BICD1: variants seen among roughly 807,000 people sequenced by gnomAD.
BICD1 encodes the protein BICD cargo adaptor 1, also known as protein bicaudal D homolog 1.
A neutral mutation model predicts 92.5 loss-of-function variants in BICD1; 35 were observed. The observed-to-expected ratio is 0.38, with a 90% CI of 0.29 to 0.50. BICD1 has a LOEUF of 0.50. BICD1 is among the 20% of genes least tolerant of loss of function. BICD1 has a pLI of 0.93. For synonymous variants in BICD1, 429 were observed against 465.1 expected, an observed-to-expected ratio of 0.92 and a Z score of 1.00; for missense variants, 950 against 1,189.8, an observed-to-expected ratio of 0.80 and a Z score of 2.97.
chr12:32,327,264 T>C (rs139756251), intron 4 of BICD1, among the ~76,000 whole-genome samples, 197 bp from the exon 5 acceptor site: 382 of 152,350 alleles, frequency 2.5e-3, no homozygotes, highest in Non-Finnish European at 2.8e-3. Context: ...TGCAGTATAA[T>C]TCTTTTAGAA....
intron 8 of BICD1, among the ~76,000 whole-genome samples, chr12:32,355,744 G>A (rs993475882): frequency 1.3e-5 from 2 of 152,018 alleles, no homozygotes; most frequent in Admixed American, 1.3e-4. Flanking sequence ...GAAGATTGCA[G>A]TGAGCCGAGA....
chr12:32,207,638 T>G (rs1945098202), intron 1 of BICD1, among the ~76,000 whole-genome samples: 1 of 152,206 alleles, frequency 6.6e-6, no homozygotes, highest in Non-Finnish European at 1.5e-5. Context: ...GTTTCTCAAA[T>G]GGACGGACTT....
At chr12:32,195,134 G>A (rs1213831728) in intron 1 of BICD1, among the ~76,000 whole-genome samples, 3 of 149,906 alleles carry the variant, frequency 2.0e-5, no homozygotes, top group Non-Finnish European at 3.0e-5. Flanking sequence ...AAATGGAAAG[G>A]TATCCTCTGT....
chr12:32,320,991 T>G (rs1840932694), intron 4 of BICD1, among the ~76,000 whole-genome samples: 1 of 152,214 alleles, frequency 6.6e-6, no homozygotes, highest in Non-Finnish European at 1.5e-5. Flanking sequence ...AATTTTAAGC[T>G]TTAAAGTGCT....
intron 2 of BICD1, among the ~76,000 whole-genome samples, chr12:32,261,264 C>T (rs569801814): frequency 6.6e-6 from 1 of 152,304 alleles, no homozygotes; most frequent in African/African-American, 2.4e-5. Context: ...GATGCACAGA[C>T]GATGAATAGT....
Position 32,337,790 on chromosome 12 carries a change from G to A in BICD1, c.2544G>A (p.Arg848=). The stretch of plus-strand genomic sequence containing the variant: ...AGGGCCCACAGACACCCAACATTCG[G>A]GTCAGCAGTGGCACTCAGAGGAAAA... ...HSQGPQTPNI[R]VSSGTQRKRQ... The change falls in exon 7 of 10, where the codon CGG becomes CGA. Residue 848 remains arginine, a synonymous_variant. Coordinates refer to ENST00000652176, the MANE Select transcript of BICD1 (RefSeq NM_001714.4). This position sits in a 1 kb window ranked among gnomAD's most constrained non-coding sequence, Gnocchi z 4.7. The A allele has an allele frequency of 6.2e-7, 1 of 1,614,118 alleles. No homozygotes were observed. The highest frequency in any genetic ancestry group is 8.5e-7 in the Non-Finnish European group (1 of 1,180,032).
intron 1 of BICD1, among the ~76,000 whole-genome samples, chr12:32,112,873 G>A (rs144130350): frequency 1.6e-3 from 245 of 152,212 alleles, no homozygotes; most frequent in Non-Finnish European, 2.9e-3. Context: ...ATTGACTTAG[G>A]TACAAGGCTC....
At chr12:32,146,493 GAAC>G (rs1943106777) in intron 1 of BICD1, among the ~76,000 whole-genome samples, 1 of 152,230 alleles carries the variant, frequency 6.6e-6, no homozygotes, top group South Asian at 2.1e-4. Flanking sequence ...GCAAGAAAAT[GAAC>G]AACAAGGGAC....
chr12:32,269,589 A>C (rs1006033077), intron 2 of BICD1, among the ~76,000 whole-genome samples: 1 of 152,216 alleles, frequency 6.6e-6, no homozygotes, highest in African/African-American at 2.4e-5. Flanking sequence ...AGATAGGTAA[A>C]TATTTAAGGA....
At chr12:32,346,564 A>ATATATATACGTGTG (rs1938596012) in intron 8 of BICD1, among the ~76,000 whole-genome samples, 1 of 42,886 alleles carries the variant, frequency 2.3e-5, no homozygotes, top group Non-Finnish European at 3.5e-5. Context: ...ATATATATAT[A>ATATATATACGTGTG]TATATATATA....
chr12:32,255,700 T>G lies in BICD1; in HGVS notation c.427-38294T>G, dbSNP rs563215062. 5.9e-5 allele frequency among the ~76,000 whole-genome samples: 9 copies of G among 152,288 alleles called. No individual in the cohort carries two copies. The East Asian group carries it at 1.7e-3, about 30-fold the overall frequency. ...TCCCTTAGGGCCTTTGCTCTGGCTG[T>G]TCATTCTCCTTGTGGTGCTTTGCCC... On this transcript the variant is annotated intron_variant, in intron 2 of 9. Transcript: ENST00000652176.
At chr12:32,241,916 G>A (rs974067694) in intron 2 of BICD1, among the ~76,000 whole-genome samples, 22 of 151,786 alleles carry the variant, frequency 1.4e-4, no homozygotes, top group African/African-American at 5.3e-4. Context: ...TGCACAAGAC[G>A]GGACATGGTA....
At chr12:32,215,953 CAAA>C (rs56005523) in intron 1 of BICD1, among the ~76,000 whole-genome samples, 6,587 of 67,420 alleles carry the variant, frequency 0.098, 117 homozygotes, top group Middle Eastern at 0.18. Context: ...GACTCCGTCT[CAAA>C]AAAAAAAAAA....
At chr12:32,136,284 C>T (rs540330551) in intron 1 of BICD1, among the ~76,000 whole-genome samples, 29 of 152,330 alleles carry the variant, frequency 1.9e-4, no homozygotes, top group East Asian at 1.5e-3. Context: ...GTATAGATGT[C>T]ATGCAGGTCT....
At chr12:32,273,079 T>TATG (rs1271165824) in intron 2 of BICD1, among the ~76,000 whole-genome samples, 1 of 152,208 alleles carries the variant, frequency 6.6e-6, no homozygotes, top group Non-Finnish European at 1.5e-5. Flanking sequence ...ATGCAGTTCA[T>TATG]ATGCTTGACA....
chr12:32,333,039 A>G, intron 5 of BICD1: 1 of 985,428 alleles, frequency 1.0e-6, no homozygotes, highest in South Asian at 4.7e-5. Context: ...TGTCACAAAC[A>G]ATAAATGATT....
intron 5 of BICD1, among the ~76,000 whole-genome samples, chr12:32,332,076 A>G (rs1281536712): frequency 6.6e-6 from 1 of 152,202 alleles, no homozygotes; most frequent in Non-Finnish European, 1.5e-5. Flanking sequence ...TTACAGGGAC[A>G]TGGTTGGAGC....
chr12:32,297,862 A>C (rs1415741885), intron 3 of BICD1, among the ~76,000 whole-genome samples: 1 of 152,140 alleles, frequency 6.6e-6, no homozygotes, highest in Non-Finnish European at 1.5e-5. Flanking sequence ...CCTGATCCAC[A>C]GTAGATATTA....
chr12:32,248,661 G>C (rs1292642478), intron 2 of BICD1, among the ~76,000 whole-genome samples: 1 of 152,162 alleles, frequency 6.6e-6, no homozygotes, highest in Non-Finnish European at 1.5e-5. Flanking sequence ...CTGGGAAGCT[G>C]GGGAGCCCAA....
Sources: gnomAD v4.1 joint callset for allele counts (sites outside exome capture counted in the v4.1 genomes callset) on GRCh38, gnomAD v4.1.1 for gene constraint, Gnocchi (gnomAD v3.1) non-coding constraint, MANE v1.5 for transcripts, NCBI Gene and HGNC (gene_info 2026-07-23, HGNC 2026-07-21) for gene names.